APOOL: variants seen among roughly 807,000 people sequenced by gnomAD.
The protein encoded by APOOL is apolipoprotein O like.
APOOL carries 12 observed loss-of-function variants against 23.1 expected under a neutral mutation model. That is an observed-to-expected ratio of 0.52 (90% confidence interval 0.33 to 0.84). APOOL has a LOEUF of 0.84. Ranked by LOEUF, APOOL falls within the 40% of genes least tolerant of loss-of-function variation. The pLI is 0.02. For missense variants in APOOL, 212 were observed against 199.6 expected (o/e 1.06, Z -0.37); for synonymous variants, 77 against 69.9 (o/e 1.10, Z -0.51).
At position 85,078,060 on chromosome X, in the gene APOOL, G is replaced by C. The variant is rs781657361; in HGVS notation, c.718+3669G>C. On this transcript the variant is annotated intron_variant, in intron 8 of 8. Coordinates refer to ENST00000373173, the MANE Select transcript of APOOL (RefSeq NM_198450.6). Reference sequence around the variant, plus strand: ...AGGTTGCCTGTTCACTCTGATGGTAGTTTCTTTTGCTGTGAAGAAGCTCTT... The same window carrying C: ...AGGTTGCCTGTTCACTCTGATGGTACTTTCTTTTGCTGTGAAGAAGCTCTT... 5.6e-4 allele frequency among the ~76,000 whole-genome samples: 63 copies of C among 111,754 alleles called. 1 individual carries two copies. In the South Asian group the frequency reaches 0.015, roughly 27 times the overall value.
At chrX:85,014,068 A>G (rs1921382212) in intron 1 of APOOL, among the ~76,000 whole-genome samples, 2 of 111,806 alleles carry the variant, frequency 1.8e-5, no homozygotes, top group African/African-American at 3.2e-5. Context: ...TCTTATCACT[A>G]TATAATATCC....
rs1030719377 is a variant in APOOL, at chrX:85,093,193, G to T, written c.*5515G>T. ...CTAATTGTAATACATACCTGACTTA[G>T]CCTCTTCAGCATTTCAGCTCCAATA... On this transcript the variant is annotated 3_prime_UTR_variant, in exon 9 of 9. Transcript: ENST00000373173. The T allele has an allele frequency of 1.7e-6, 2 of 1,162,441 alleles. No individual in the cohort carries two copies. Among genetic ancestry groups the T allele is most frequent in the African/African-American group, 3.6e-5 (2 of 55,711 alleles).
intron 1 of APOOL, among the ~76,000 whole-genome samples, chrX:85,008,430 TTCTC>T (rs1312257237): frequency 9.0e-6 from 1 of 111,606 alleles, no homozygotes; most frequent in Non-Finnish European, 1.9e-5. Context: ...CAGTTTGTCT[TTCTC>T]TGTCTGACTT....
intron 1 of APOOL, among the ~76,000 whole-genome samples, chrX:85,033,500 A>G (rs752083668): frequency 1.9e-3 from 209 of 112,139 alleles, no homozygotes; most frequent in African/African-American, 6.3e-3. Context: ...TAAGCTAGTG[A>G]ATTAACCAAT....
chrX:85,032,717 T>C (rs184533308), intron 1 of APOOL, among the ~76,000 whole-genome samples: 2 of 111,509 alleles, frequency 1.8e-5, no homozygotes, highest in East Asian at 5.6e-4. Flanking sequence ...CTTTCATACA[T>C]CATAATTAAA....
intron 1 of APOOL, among the ~76,000 whole-genome samples, chrX:85,035,321 G>A (rs1922178647): frequency 9.0e-6 from 1 of 110,996 alleles, no homozygotes; most frequent in African/African-American, 3.3e-5. Flanking sequence ...TTTTCTGCTT[G>A]TTCGATTGTC....
chrX:85,080,527 G>C (rs1602799497), intron 8 of APOOL: 1 of 111,588 alleles, frequency 9.0e-6, no homozygotes, highest in Non-Finnish European at 1.9e-5. Context: ...GGTCAATTTT[G>C]GAATAAGTAT....
chrX:85,079,680 T>C (rs762169343), intron 8 of APOOL, among the ~76,000 whole-genome samples: 25 of 111,884 alleles, frequency 2.2e-4, no homozygotes, highest in African/African-American at 7.8e-4. Context: ...AGCTCCTCTT[T>C]GTATCTCTGG....
intron 1 of APOOL, among the ~76,000 whole-genome samples, chrX:85,014,431 T>C (rs1355289470): frequency 9.0e-6 from 1 of 110,851 alleles, no homozygotes; most frequent in African/African-American, 3.3e-5. Context: ...ATGCTTTTAG[T>C]TGGTTGTATT....
chrX:85,026,471 GT>G (rs1169005863), intron 1 of APOOL, among the ~76,000 whole-genome samples: 6 of 113,086 alleles, frequency 5.3e-5, no homozygotes, highest in Non-Finnish European at 1.1e-4. Flanking sequence ...TCAGCAGCCT[GT>G]TTGAAAAAGC....
chrX:85,073,948 A>G, intron 6 of APOOL, 50 bp from the exon 7 acceptor site: 1 of 921,604 alleles, frequency 1.1e-6, no homozygotes, highest in Non-Finnish European at 1.5e-6. Flanking sequence ...TACATTTTTA[A>G]TTTTAACTTT....
intron 2 of APOOL, among the ~76,000 whole-genome samples, chrX:85,048,082 G>A (rs748695338): frequency 1.8e-5 from 2 of 110,937 alleles, no homozygotes; most frequent in Admixed American, 9.6e-5. Flanking sequence ...TCTATAAGCC[G>A]AAGTGTAGGT....
chrX:85,064,106 G>A, intron 5 of APOOL, among the ~76,000 whole-genome samples: 1 of 110,787 alleles, frequency 9.0e-6, no homozygotes, highest in Non-Finnish European at 1.9e-5. Context: ...AGTCTTGGGA[G>A]GGTGTATGTG....
Position 85,067,183 on chromosome X carries a change from G to T in APOOL, c.451G>T (p.Val151Phe). Residue 151 changes from valine to phenylalanine, a missense_variant, in exon 6 of 9, where the codon GTT becomes TTT. Transcript: ENST00000373173. Reference protein sequence around the residue: ...PLGLATLGATVCYPVQSVIIA... With the variant: ...PLGLATLGATFCYPVQSVIIA... ...GGGACTGGCCACTTTAGGAGCAACT[G>T]TTTGCTACCCAGTTCAGTCCGTAAT... The T allele has an allele frequency of 8.6e-7, 1 of 1,159,951 alleles. No homozygotes were observed. Among genetic ancestry groups the T allele is most frequent in the Non-Finnish European group, 1.2e-6 (1 of 867,313 alleles).
At chrX:85,031,850 T>G (rs2147483308) in intron 1 of APOOL, among the ~76,000 whole-genome samples, 1 of 112,296 alleles carries the variant, frequency 8.9e-6, no homozygotes, top group African/African-American at 3.2e-5. Flanking sequence ...ATAGCTTATT[T>G]AATCCTGTTT....
In APOOL at chrX:85,054,355, C is replaced by G. The variant is rs757327463; in HGVS notation, c.252C>G (p.Val84=). The change falls in exon 4 of 9, where the codon GTC becomes GTG. Residue 84 remains valine (V), a synonymous_variant. Coordinates refer to ENST00000373173, the MANE Select transcript of APOOL (RefSeq NM_198450.6). ...CYIGWCKGVY[V]FVKNGIMDTV... ...TTTTTTTTGCTTAGGGTGTTTATGT[C>G]TTTGTGAAAAATGGGATAATGGATA... is the stretch of plus-strand genomic sequence containing the variant. 18 of 1,184,698 alleles carry G rather than the reference C, an allele frequency of 1.5e-5. No homozygotes were observed. Among genetic ancestry groups the G allele is most frequent in the Non-Finnish European group, 1.9e-5 (17 of 882,128 alleles).
intron 1 of APOOL, among the ~76,000 whole-genome samples, chrX:85,037,432 G>C (rs757348127): frequency 9.0e-6 from 1 of 111,538 alleles, no homozygotes; most frequent in African/African-American, 3.3e-5. Context: ...CATATGAGAC[G>C]TGCCTTTCAC....
In APOOL at chrX:85,089,317, T is replaced by G. The variant is rs1183517629; in HGVS notation, c.*1639T>G. ...CAGGGTTTCACCATGTTGTCCAGGC[T>G]GGTCTCGAACTCCTGAGCTCAAGCA... is the stretch of plus-strand genomic sequence containing the variant. On this transcript the variant is annotated 3_prime_UTR_variant, in exon 9 of 9. Transcript: ENST00000373173. 1 of 112,000 alleles carries G rather than the reference T, an allele frequency of 8.9e-6. No individual in the cohort carries two copies. The highest frequency in any genetic ancestry group is 1.9e-5 in the Non-Finnish European group (1 of 53,258). The allele number at this position is 112,000 out of a possible 1,213,427, so 9.2% of individuals were successfully genotyped here.
rs1486274397 is a variant in APOOL, at chrX:85,057,688, G to GAT, written c.394+1776_394+1777dup. On this transcript the variant is annotated intron_variant, in intron 5 of 8. Transcript: ENST00000373173. The stretch of plus-strand genomic sequence containing the variant: ...ATATATATATCTCATCTGAATGGAT[G>GAT]ATATATATATATATCTCCCTATAGC... Among the ~76,000 whole-genome samples, 545 of 105,032 alleles carry GAT rather than the reference G, an allele frequency of 5.2e-3. 3 individuals carry two copies. The highest frequency in any genetic ancestry group is 0.017 in the African/African-American group (482 of 29,037). 91.2% of individuals were successfully genotyped at this position (105,032 alleles called of 115,157 possible). A position where few individuals can be genotyped will look rare whatever the true frequency, so the allele number is the denominator to read the frequency against.
Sources: allele counts gnomAD v4.1 joint callset (sites outside exome capture counted in the v4.1 genomes callset), GRCh38; gene constraint gnomAD v4.1.1; transcripts MANE v1.5; gene names NCBI Gene and HGNC (gene_info 2026-07-23, HGNC 2026-07-21).